CNTN5: variants seen among roughly 807,000 people sequenced by gnomAD.
CNTN5 encodes contactin 5.
A neutral mutation model predicts 129.1 loss-of-function variants in CNTN5; 77 were observed. That is an observed-to-expected ratio of 0.60 (90% CI 0.50 to 0.72). The LOEUF (loss-of-function observed/expected upper bound fraction) is 0.72. Among genes scored for constraint, CNTN5 ranks in the 30% least tolerant of loss-of-function variants. CNTN5 has a pLI of 0.00. For synonymous variants in CNTN5, 509 were observed against 465.6 expected (o/e 1.09, Z -1.20); for missense variants, 1,478 against 1,328.8 (o/e 1.11, Z -1.75).
At chr11:99,274,974 A>C (rs1404579634) in intron 1 of CNTN5, among the ~76,000 whole-genome samples, 1 of 151,588 alleles carries the variant, frequency 6.6e-6, no homozygotes, top group African/African-American at 2.4e-5. Context: ...GATAGTTTAT[A>C]ATTTGAAAGT....
chr11:99,307,622 G>T lies in CNTN5; in HGVS notation c.-209-17724G>T, dbSNP rs541923318. ...AATATCATGATTCAATCTGTGAGCT[G>T]CTCCCCATTTGAATCAATAAAAGGC... On this transcript the variant is annotated intron_variant, in intron 1 of 24. Coordinates refer to ENST00000524871, the MANE Select transcript of CNTN5 (RefSeq NM_014361.4). 1.4e-4 allele frequency among the ~76,000 whole-genome samples: 22 copies of T among 152,128 alleles called. 1 individual carries two copies. In the South Asian group the frequency reaches 4.6e-3, roughly 32 times the overall value.
intron 1 of CNTN5, among the ~76,000 whole-genome samples, chr11:99,181,989 A>G (rs981098359): frequency 3.9e-5 from 6 of 152,198 alleles, no homozygotes; most frequent in African/African-American, 1.4e-4. Context: ...ACTATCAATT[A>G]TATCACCATA....
chr11:99,792,541 G>GTC (rs1945784091), intron 3 of CNTN5, among the ~76,000 whole-genome samples: 2 of 75,660 alleles, frequency 2.6e-5, no homozygotes, highest in African/African-American at 1.0e-4. Context: ...GAAGAGGGGT[G>GTC]TGTGTGTGTG....
chr11:99,869,890 C>G (rs1948457351), intron 6 of CNTN5, among the ~76,000 whole-genome samples: 1 of 152,084 alleles, frequency 6.6e-6, no homozygotes, highest in South Asian at 2.1e-4. Flanking sequence ...TTAAAATTTT[C>G]CAGAAAGTTT....
chr11:99,861,256 C>T (rs116141414), intron 6 of CNTN5, among the ~76,000 whole-genome samples: 22 of 152,238 alleles, frequency 1.4e-4, no homozygotes, highest in African/African-American at 5.3e-4. Flanking sequence ...CACACCTGGC[C>T]CTTCATTTGT....
intron 15 of CNTN5, among the ~76,000 whole-genome samples, chr11:100,199,323 T>C (rs962905865): frequency 7.2e-5 from 11 of 151,878 alleles, no homozygotes; most frequent in African/African-American, 2.7e-4. Context: ...CCTATCTCAC[T>C]AAGGGCCTAT....
intron 3 of CNTN5, among the ~76,000 whole-genome samples, chr11:99,676,671 A>G (rs1953298065): frequency 6.6e-6 from 1 of 152,232 alleles, no homozygotes; most frequent in African/African-American, 2.4e-5. Flanking sequence ...TAAGAAAAAC[A>G]TATGTAACAA....
chr11:100,085,315 G>A (rs1173086715), intron 13 of CNTN5, among the ~76,000 whole-genome samples: 1 of 151,974 alleles, frequency 6.6e-6, no homozygotes, highest in African/African-American at 2.4e-5. Context: ...TGCTGCTGCT[G>A]GTCCCCAGGT....
At chr11:99,705,534 T>C (rs1666859196) in intron 3 of CNTN5, among the ~76,000 whole-genome samples, 1 of 151,454 alleles carries the variant, frequency 6.6e-6, no homozygotes, top group South Asian at 2.1e-4. Context: ...ATTAGAATCC[T>C]GATTCACTTA....
At chr11:99,049,063 C>T (rs952980873) in intron 1 of CNTN5, among the ~76,000 whole-genome samples, 1 of 152,088 alleles carries the variant, frequency 6.6e-6, no homozygotes, top group African/African-American at 2.4e-5. Context: ...ATAGTATATG[C>T]CATGCCTGTT....
chr11:100,286,098 GGGTCCT>G (rs1950781685), intron 18 of CNTN5, among the ~76,000 whole-genome samples: 1 of 152,240 alleles, frequency 6.6e-6, no homozygotes, highest in Non-Finnish European at 1.5e-5. Flanking sequence ...CTGGCTGGGA[GGGTCCT>G]ACGCCCACGG....
chr11:100,316,701 G>T (rs1394695141), intron 21 of CNTN5, among the ~76,000 whole-genome samples: 1 of 152,108 alleles, frequency 6.6e-6, no homozygotes, highest in East Asian at 1.9e-4. Context: ...TTCATATTCT[G>T]CCTGTGGAAC....
chr11:99,407,787 C>G (rs1356515264), intron 2 of CNTN5, among the ~76,000 whole-genome samples: 1 of 152,178 alleles, frequency 6.6e-6, no homozygotes, highest in Non-Finnish European at 1.5e-5. Flanking sequence ...TTTGAGTGCT[C>G]TCTTTATGGG....
chr11:99,746,296 A>C (rs939157204), intron 3 of CNTN5, among the ~76,000 whole-genome samples: 1 of 152,126 alleles, frequency 6.6e-6, no homozygotes, highest in Non-Finnish European at 1.5e-5. Flanking sequence ...CTGCTTGTGG[A>C]TATCTAGTTT....
chr11:99,978,089 C>T (rs1011894401), intron 8 of CNTN5, among the ~76,000 whole-genome samples: 5 of 152,040 alleles, frequency 3.3e-5, no homozygotes, highest in African/African-American at 1.2e-4. Context: ...TCAGTGTAAC[C>T]TGTGTAGGCT....
intron 1 of CNTN5, among the ~76,000 whole-genome samples, chr11:99,073,406 G>C (rs200045911): frequency 2.2e-5 from 2 of 91,518 alleles, no homozygotes; most frequent in East Asian, 7.3e-4. Flanking sequence ...TTTACTTTAA[G>C]TTCTAGGATA....
At chr11:99,351,184 T>C (rs1938274645) in intron 2 of CNTN5, among the ~76,000 whole-genome samples, 1 of 152,222 alleles carries the variant, frequency 6.6e-6, no homozygotes, top group African/African-American at 2.4e-5. Flanking sequence ...AAAAGGTCCA[T>C]TTAACTCCCT....
chr11:99,898,765 A>G (rs1391132286), intron 6 of CNTN5, among the ~76,000 whole-genome samples: 1 of 151,778 alleles, frequency 6.6e-6, no homozygotes, highest in East Asian at 1.9e-4. Context: ...TCTTTATTCT[A>G]ATGATTCTCT....
intron 13 of CNTN5, among the ~76,000 whole-genome samples, chr11:100,163,016 C>A (rs1269608208): frequency 1.3e-5 from 2 of 151,754 alleles, no homozygotes; most frequent in Non-Finnish European, 2.9e-5. Flanking sequence ...GCCTTTGTGC[C>A]TCCTACAGCC....
Sources: gnomAD v4.1 joint callset for allele counts (sites outside exome capture counted in the v4.1 genomes callset) on GRCh38, gnomAD v4.1.1 for gene constraint, MANE v1.5 for transcripts, NCBI Gene and HGNC (gene_info 2026-07-23, HGNC 2026-07-21) for gene names.